The following ARHGEF11 variants were observed in gnomAD, a reference collection of about 807,000 sequenced individuals.
ARHGEF11 encodes Rho guanine nucleotide exchange factor 11.
Under a neutral mutation model 193.7 loss-of-function variants are expected in ARHGEF11, and 55 were observed. The observed-to-expected ratio is 0.28, with a 90% CI of 0.23 to 0.36. The LOEUF is 0.36. Among genes scored for constraint, ARHGEF11 ranks in the 10% least tolerant of loss-of-function variants. The probability of loss-of-function intolerance (pLI) is 1.00; values close to 1 mark genes in which losing one functional copy is unlikely to be tolerated. For synonymous variants in ARHGEF11, 693 were observed against 768.0 expected, an observed-to-expected ratio of 0.90 and a Z score of 1.62; for missense variants, 1,723 against 2,005.6, an observed-to-expected ratio of 0.86 and a Z score of 2.69.
intron 22 of ARHGEF11, chr1:156,949,244 G>T (rs1317739526): frequency 6.1e-6 from 2 of 325,786 alleles, no homozygotes; most frequent in African/African-American, 2.2e-5. Context: ...GTGTCTCTGG[G>T]GTTTGATGAG....
At chr1:157,019,715 A>G (rs1669722228) in intron 1 of ARHGEF11, among the ~76,000 whole-genome samples, 1 of 152,220 alleles carries the variant, frequency 6.6e-6, no homozygotes, top group Non-Finnish European at 1.5e-5. Context: ...ACCAATATAG[A>G]TCCACTGCAA....
rs892097916 is a variant in ARHGEF11, at chr1:156,942,004, G to A, written c.3327-15C>T. 1.9e-6 allele frequency: 3 copies of A among 1,613,916 alleles called. No individual in the cohort carries two copies. The highest frequency in any genetic ancestry group is 2.5e-6 in the Non-Finnish European group (3 of 1,180,022). On this transcript the variant is annotated splice_polypyrimidine_tract_variant and intron_variant, in intron 33 of 40. Transcript: ENST00000368194. Reference sequence around the variant, plus strand: ...GCTCCATCCATCTGTTGCTCGGCAGGAACAGAGAGGACTGTAGTGAGAGCA... The same window carrying A: ...GCTCCATCCATCTGTTGCTCGGCAGAAACAGAGAGGACTGTAGTGAGAGCA...
In ARHGEF11 at chr1:156,971,700, T is replaced by C; in HGVS notation, c.699A>G (p.Ser233=). The change falls in exon 8 of 41, where the codon TCA becomes TCG. Residue 233 remains serine (S), a synonymous_variant. Coordinates refer to ENST00000368194, the MANE Select transcript of ARHGEF11 (RefSeq NM_198236.3). ...GAGCTGTGCCTACATCACTCACCAC[T>C]GAGCCACCAGTCTCCTGCTGGATCT... ...QLKIQQETGG[S]VDILPLYGDT... 4 of 1,613,780 alleles carry C rather than the reference T, an allele frequency of 2.5e-6. No homozygotes were observed. Among genetic ancestry groups the C allele is most frequent in the Non-Finnish European group, 3.4e-6 (4 of 1,179,886 alleles).
chr1:156,991,154 T>C (rs1365305541), intron 1 of ARHGEF11, among the ~76,000 whole-genome samples: 1 of 152,222 alleles, frequency 6.6e-6, no homozygotes, highest in East Asian at 1.9e-4. Context: ...CTCTATTCAA[T>C]ATGCAGAAAA....
intron 26 of ARHGEF11, 99 bp downstream of exon 26, chr1:156,947,205 G>A: frequency 6.6e-7 from 1 of 1,518,436 alleles, no homozygotes; most frequent in Non-Finnish European, 8.9e-7. Context: ...GGATTGGTGG[G>A]AGGTTACCTA....
chr1:156,986,272 T>C, intron 1 of ARHGEF11, 99 bp from the exon 2 acceptor site: 1 of 1,015,952 alleles, frequency 9.8e-7, no homozygotes, highest in Non-Finnish European at 1.5e-6. Context: ...GAGTCTTGGA[T>C]AATGAGAGAC....
intron 36 of ARHGEF11, 100 bp downstream of exon 36, chr1:156,940,107 G>T (rs1377285572): frequency 1.6e-5 from 23 of 1,437,020 alleles, no homozygotes; most frequent in Non-Finnish European, 2.2e-5. Flanking sequence ...AGCACACCAG[G>T]AAGAGCCTTC....
Position 156,948,390 on chromosome 1 carries a change from G to A in ARHGEF11, c.2034C>T (p.Asp678=). The A allele has an allele frequency of 6.2e-7, 1 of 1,614,246 alleles. No individual in the cohort carries two copies. The highest frequency in any genetic ancestry group is 8.5e-7 in the Non-Finnish European group (1 of 1,180,048). ...GAGTAGCCTCCGCAGCAGCATCCATGTCAACATCACTGCGAGAGCGGGGCA... is the reference window on the plus strand; with the variant it reads ...GAGTAGCCTCCGCAGCAGCATCCATATCAACATCACTGCGAGAGCGGGGCA... ...ENVPRSRSDV[D]MDAAAEATRL... is the part of the protein sequence containing the mutation. Residue 678 remains aspartate (D), a synonymous_variant, in exon 23 of 41, where the codon GAC becomes GAT. Transcript: ENST00000368194. The surrounding 1 kb of genome is among the most constrained non-coding windows in gnomAD (Gnocchi z 4.2).
intron 1 of ARHGEF11, among the ~76,000 whole-genome samples, chr1:157,022,675 A>G (rs1308466837): frequency 1.3e-5 from 2 of 152,202 alleles, no homozygotes; most frequent in African/African-American, 2.4e-5. Flanking sequence ...AGCTGATCCT[A>G]AAATTCATAT....
intron 37 of ARHGEF11, 197 bp from the exon 38 acceptor site, chr1:156,938,710 A>G: frequency 1.9e-6 from 1 of 520,232 alleles, no homozygotes. Context: ...ACCGAGAGAC[A>G]GAGAAGGAAG....
Position 156,963,194 on chromosome 1 carries a change from C to A in ARHGEF11, c.1140+9G>T, listed in dbSNP as rs769729995. 2 of 1,608,748 alleles carry A rather than the reference C, an allele frequency of 1.2e-6. No homozygotes were observed. The highest frequency in any genetic ancestry group is 4.5e-5 in the East Asian group (2 of 44,842). On this transcript the variant is annotated intron_variant, in intron 13 of 40. Transcript: ENST00000368194. Reference sequence around the variant, plus strand: ...AGGCACTCAATCAAGACAGATGATTCTGACTTACCAGTGGACTGGGGTCCG... The same window carrying A: ...AGGCACTCAATCAAGACAGATGATTATGACTTACCAGTGGACTGGGGTCCG...
At chr1:156,978,084 A>G in intron 6 of ARHGEF11, 120 bp downstream of exon 6, 1 of 1,423,414 alleles carries the variant, frequency 7.0e-7, no homozygotes, top group Non-Finnish European at 9.5e-7. Context: ...GGTCTTTCAT[A>G]TGTCTTTTGG....
intron 1 of ARHGEF11, among the ~76,000 whole-genome samples, chr1:157,043,483 G>C (rs1400491513): frequency 6.6e-6 from 1 of 152,156 alleles, no homozygotes; most frequent in Non-Finnish European, 1.5e-5. Context: ...GAGGTGGCTG[G>C]GCAGACTCTT....
At chr1:156,956,585 C>T (rs1449969421) in intron 18 of ARHGEF11, 21 bp from the exon 19 acceptor site, 1 of 1,613,722 alleles carries the variant, frequency 6.2e-7, no homozygotes, top group Non-Finnish European at 8.5e-7. Context: ...GGAACAGTGT[C>T]CTGAATCAGA....
Position 156,955,717 on chromosome 1 carries a change from C to A in ARHGEF11, c.1754G>T (p.Ser585Ile). The A allele has an allele frequency of 6.2e-7, 1 of 1,614,090 alleles. No homozygotes were observed. Among genetic ancestry groups the A allele is most frequent in the South Asian group, 1.1e-5 (1 of 91,084 alleles). Residue 585 changes from serine (S) to isoleucine (I), a missense_variant, in exon 20 of 41, where the codon AGC becomes ATC. By Grantham distance (142) the Ser-to-Ile change is moderately radical. Coordinates refer to ENST00000368194, the MANE Select transcript of ARHGEF11 (RefSeq NM_198236.3). ...PILKYIGKPK[S>I]SSQSTFHIPL... ...CAAATACTCACTGCTTTGAGAAGAG[C>A]TTTTGGGCTTCCCAATGTATTTGAG...
At chr1:157,023,001 C>T (rs1171703041) in intron 1 of ARHGEF11, among the ~76,000 whole-genome samples, 1 of 152,154 alleles carries the variant, frequency 6.6e-6, no homozygotes, top group African/African-American at 2.4e-5. Flanking sequence ...TAAAAATTAA[C>T]TCAAAATGGA....
rs573662518 is a variant in ARHGEF11, at chr1:156,951,223, A to G, written c.1925+350T>C. Among the ~76,000 whole-genome samples, 7 of 152,142 alleles carry G rather than the reference A, an allele frequency of 4.6e-5. No homozygotes were observed. The East Asian group carries it at 1.4e-3, about 29-fold the overall frequency. ...TTCCCCAGGACTCCCTCTTGCCCCC[A>G]CTATAGTCTTCCTTATCCTTGTCAC... is the stretch of plus-strand genomic sequence containing the variant. On this transcript the variant is annotated intron_variant, in intron 22 of 40. Transcript: ENST00000368194.
intron 7 of ARHGEF11, 107 bp downstream of exon 7, chr1:156,976,876 G>T: frequency 3.0e-6 from 3 of 1,007,174 alleles, no homozygotes; most frequent in Non-Finnish European, 4.6e-6. Context: ...AGGTTTTACT[G>T]TGATAGGATA....
chr1:157,035,897 ATATATATATGAAT>A (rs1273675012), intron 1 of ARHGEF11, among the ~76,000 whole-genome samples: 2 of 49,282 alleles, frequency 4.1e-5, no homozygotes, highest in South Asian at 5.6e-4. Flanking sequence ...ATATAGGAAT[ATATATATATGAAT>A]CTATATATAG....
Sources: gnomAD v4.1 joint callset for allele counts (sites outside exome capture counted in the v4.1 genomes callset) on GRCh38, gnomAD v4.1.1 for gene constraint, Gnocchi (gnomAD v3.1) non-coding constraint, MANE v1.5 for transcripts, NCBI Gene and HGNC (gene_info 2026-07-23, HGNC 2026-07-21) for gene names.